Variants in XRN1 observed in about 807,000 individuals in gnomAD.
XRN1 encodes the protein strand-exchange protein 1 homolog.
A neutral mutation model predicts 222.3 loss-of-function variants in XRN1; 67 were observed. The observed-to-expected ratio is 0.30, with a 90% CI of 0.25 to 0.37. The LOEUF (loss-of-function observed/expected upper bound fraction) is 0.37, where lower values mean the gene tolerates loss of function less well. Among genes scored for constraint, XRN1 ranks in the 10% least tolerant of loss-of-function variants. The pLI is 1.00. For missense variants in XRN1, 1,707 were observed against 2,000.2 expected (o/e 0.85, Z 2.80); for synonymous variants, 643 against 652.4 (o/e 0.99, Z 0.22).
At chr3:142,407,615 C>T (rs2068392956) in intron 15 of XRN1, 1 of 152,224 alleles carries the variant, frequency 6.6e-6, no homozygotes, top group South Asian at 2.1e-4. Context: ...AGGCATGAGC[C>T]ACTGTGCCCG....
Position 142,431,891 on chromosome 3 carries a change from TAATATA to T in XRN1, c.308+764_308+769del, listed in dbSNP as rs2069573901. Among the ~76,000 whole-genome samples, 5 of 35,114 alleles carry T rather than the reference TAATATA, an allele frequency of 1.4e-4. 1 individual carries two copies. The South Asian group carries it at 2.4e-3, about 17-fold the overall frequency. The allele number at this position is 35,114 out of a possible 152,430, so 23.0% of individuals were successfully genotyped here. A position where few individuals can be genotyped will look rare whatever the true frequency, so the allele number is the denominator to read the frequency against. On this transcript the variant is annotated intron_variant, in intron 2 of 40. Coordinates refer to ENST00000392981, the MANE Select transcript of XRN1 (RefSeq NM_001282857.2). ...TATATTATATTATATATATTATATATAATATATATATTATATATATAAATATATATA... is the reference window on the plus strand; with the variant it reads ...TATATTATATTATATATATTATATATTATATTATATATATAAATATATATA...
intron 37 of XRN1, among the ~76,000 whole-genome samples, chr3:142,319,951 C>A (rs376086916): frequency 2.0e-5 from 3 of 152,210 alleles, no homozygotes; most frequent in East Asian, 1.9e-4. Flanking sequence ...CATACCCACA[C>A]ACATTTTCTT....
chr3:142,380,203 G>A (rs745632368), intron 22 of XRN1, 23 bp from the exon 23 acceptor site: 1 of 1,573,124 alleles, frequency 6.4e-7, no homozygotes, highest in Non-Finnish European at 8.7e-7. Flanking sequence ...AAAAATCACA[G>A]TATAGTCTCT....
intron 39 of XRN1, among the ~76,000 whole-genome samples, chr3:142,314,894 G>GA (rs1167034848): frequency 1.9e-5 from 2 of 104,440 alleles, no homozygotes; most frequent in African/African-American, 7.8e-5. Context: ...GACAGAGTGG[G>GA]ACTCTGTCTC....
At chr3:142,332,912 C>T in intron 35 of XRN1, 55 bp downstream of exon 35, 1 of 1,597,574 alleles carries the variant, frequency 6.3e-7, no homozygotes, top group Non-Finnish European at 8.5e-7. Context: ...GATATGTCTG[C>T]ATGGTCAACA....
chr3:142,334,622 T>C (rs1258037792), intron 34 of XRN1, among the ~76,000 whole-genome samples: 1 of 151,636 alleles, frequency 6.6e-6, no homozygotes, highest in African/African-American at 2.4e-5. Flanking sequence ...ACTTCAATTG[T>C]ATATGTAAAT....
chr3:142,415,144 A>T (rs2068732945), intron 13 of XRN1, among the ~76,000 whole-genome samples: 1 of 152,246 alleles, frequency 6.6e-6, no homozygotes, highest in African/African-American at 2.4e-5. Context: ...TAAGGATGAA[A>T]CCATGTATCG....
chr3:142,444,335 C>T (rs531689179), intron 1 of XRN1, among the ~76,000 whole-genome samples: 3 of 152,254 alleles, frequency 2.0e-5, no homozygotes, highest in South Asian at 2.1e-4. Context: ...AGGCCAGGCA[C>T]GGTGGCTCAT....
chr3:142,417,291 A>G, intron 12 of XRN1, 62 bp from the exon 13 acceptor site: 2 of 1,370,110 alleles, frequency 1.5e-6, no homozygotes, highest in Non-Finnish European at 1.0e-6. Flanking sequence ...TCTTTAGAGC[A>G]CGGTATCTGC....
intron 30 of XRN1, among the ~76,000 whole-genome samples, chr3:142,358,873 T>C (rs1199150715): frequency 6.6e-6 from 1 of 152,228 alleles, no homozygotes; most frequent in African/African-American, 2.4e-5. Context: ...ATTAATTTTT[T>C]ATTTTAATTA....
chr3:142,399,500 A>G (rs1004330974), intron 19 of XRN1, among the ~76,000 whole-genome samples: 8 of 152,154 alleles, frequency 5.3e-5, no homozygotes, highest in Admixed American at 2.6e-4. Flanking sequence ...TTTTCAAAGA[A>G]AATATCAAAG....
chr3:142,350,632 T>C (rs563921968), intron 32 of XRN1, among the ~76,000 whole-genome samples: 6 of 152,234 alleles, frequency 3.9e-5, no homozygotes, highest in African/African-American at 1.2e-4. Context: ...TAGACTACTG[T>C]AACCATCAAG....
intron 20 of XRN1, 97 bp from the exon 21 acceptor site, chr3:142,384,782 C>G: frequency 1.1e-6 from 1 of 943,732 alleles, no homozygotes; most frequent in Non-Finnish European, 1.5e-6. Context: ...AACTCATAAT[C>G]AAGTGTGTAA....
At chr3:142,378,534 G>T (rs1030338990) in intron 23 of XRN1, among the ~76,000 whole-genome samples, 1 of 151,962 alleles carries the variant, frequency 6.6e-6, no homozygotes, top group Non-Finnish European at 1.5e-5. Flanking sequence ...AAATCAAATA[G>T]AAATTTTAAA....
At chr3:142,391,319 C>T (rs1284498473) in intron 20 of XRN1, among the ~76,000 whole-genome samples, 1 of 152,046 alleles carries the variant, frequency 6.6e-6, no homozygotes, top group Admixed American at 6.6e-5. Flanking sequence ...AAATAAAATC[C>T]CCCAAATAGT....
At position 142,383,032 on chromosome 3, in the gene XRN1, T is replaced by C. The variant is rs1037003136; in HGVS notation, c.2616+268A>G. ...AATCGTTTCATCCATACCACTACAATAAACAAAACTGCTAAAAAAAAAGAG... is the reference window on the plus strand; with the variant it reads ...AATCGTTTCATCCATACCACTACAACAAACAAAACTGCTAAAAAAAAAGAG... On this transcript the variant is annotated intron_variant, in intron 22 of 40. Transcript: ENST00000392981. 7.6e-5 allele frequency among the ~76,000 whole-genome samples: 8 copies of C among 105,644 alleles called. No individual in the cohort carries two copies. The South Asian group carries it at 1.7e-3, about 23-fold the overall frequency. The allele number at this position is 105,644 out of a possible 152,430, so 69.3% of individuals were successfully genotyped here.
chr3:142,396,548 C>CTA lies in XRN1; in HGVS notation c.2339+779_2339+780dup, dbSNP rs1424719896. ...AAAAATATGCTCTACCTCTCGAGAG[C>CTA]TATGTTTATCTCCTTTGGTGTTGGA... On this transcript the variant is annotated intron_variant, in intron 20 of 40. Coordinates refer to ENST00000392981, the MANE Select transcript of XRN1 (RefSeq NM_001282857.2). Among the ~76,000 whole-genome samples the CTA allele has an allele frequency of 2.6e-5, 4 of 152,240 alleles. No homozygotes were observed. The East Asian group carries it at 7.7e-4, about 29-fold the overall frequency.
intron 33 of XRN1, among the ~76,000 whole-genome samples, chr3:142,335,873 G>A (rs533034291): frequency 1.3e-5 from 2 of 152,292 alleles, no homozygotes; most frequent in South Asian, 4.1e-4. Context: ...GCAGGTTAGA[G>A]CCATAATCTG....
At chr3:142,380,228 T>A in intron 22 of XRN1, 48 bp from the exon 23 acceptor site, 2 of 1,470,218 alleles carry the variant, frequency 1.4e-6, no homozygotes, top group Non-Finnish European at 1.9e-6. Flanking sequence ...GTACATTTTA[T>A]TTTTTAACTT....
Sources: allele counts gnomAD v4.1 joint callset (sites outside exome capture counted in the v4.1 genomes callset), GRCh38; gene constraint gnomAD v4.1.1; transcripts MANE v1.5; gene names NCBI Gene and HGNC (gene_info 2026-07-23, HGNC 2026-07-21).